Variants in PPP3CC observed in about 807,000 individuals in gnomAD.
The protein encoded by PPP3CC is serine/threonine-protein phosphatase 2B catalytic subunit gamma isoform.
A neutral mutation model predicts 60.3 loss-of-function variants in PPP3CC; 35 were observed. That is an observed-to-expected ratio of 0.58 (90% CI 0.44 to 0.77). The LOEUF (loss-of-function observed/expected upper bound fraction) is 0.77, where lower values mean the gene tolerates loss of function less well. Among genes scored for constraint, PPP3CC ranks in the 30% least tolerant of loss-of-function variants. The probability of loss-of-function intolerance (pLI) is 0.00; values close to 1 mark genes in which losing one functional copy is unlikely to be tolerated. For missense variants in PPP3CC, 570 were observed against 628.9 expected, an observed-to-expected ratio of 0.91 and a Z score of 1.00; for synonymous variants, 206 against 224.3, an observed-to-expected ratio of 0.92 and a Z score of 0.73.
intron 8 of PPP3CC, among the ~76,000 whole-genome samples, chr8:22,526,966 A>G (rs1367234296): frequency 6.6e-6 from 1 of 152,224 alleles, no homozygotes; most frequent in Non-Finnish European, 1.5e-5. Flanking sequence ...GAGTGTATAC[A>G]ATCTTTGACT....
At chr8:22,463,517 G>A (rs1244300336) in intron 1 of PPP3CC, among the ~76,000 whole-genome samples, 1 of 152,140 alleles carries the variant, frequency 6.6e-6, no homozygotes, top group Non-Finnish European at 1.5e-5. Flanking sequence ...GGCTTTAGTT[G>A]ATTTATTATA....
At chr8:22,446,268 C>T (rs1304795286) in intron 1 of PPP3CC, among the ~76,000 whole-genome samples, 1 of 141,100 alleles carries the variant, frequency 7.1e-6, no homozygotes, top group Non-Finnish European at 1.5e-5. Context: ...AGTTCACGTT[C>T]AGTCCACTGG....
chr8:22,504,807 C>T lies in PPP3CC; in HGVS notation c.485-6279C>T, dbSNP rs781267865. ...ATTGCTTACTACAGCCTCAACCTCC[C>T]AGGCTCAAGTGGTCCCTACACCTCA... On this transcript the variant is annotated intron_variant, in intron 4 of 13. Transcript: ENST00000240139. Among the ~76,000 whole-genome samples the T allele has an allele frequency of 1.3e-4, 20 of 151,420 alleles. 1 individual carries two copies. The South Asian group carries it at 2.1e-3, about 16-fold the overall frequency.
At chr8:22,464,978 T>C (rs1288074200) in intron 1 of PPP3CC, among the ~76,000 whole-genome samples, 1 of 142,402 alleles carries the variant, frequency 7.0e-6, no homozygotes, top group Non-Finnish European at 1.5e-5. Flanking sequence ...GACTCTCCCT[T>C]TTTTTTTTTT....
intron 3 of PPP3CC, among the ~76,000 whole-genome samples, chr8:22,482,840 G>A (rs1226801904): frequency 6.6e-6 from 1 of 152,184 alleles, no homozygotes; most frequent in African/African-American, 2.4e-5. Flanking sequence ...CCAAGATACA[G>A]TAGAGGAAAA....
At chr8:22,441,510 C>G in intron 1 of PPP3CC, 52 bp downstream of exon 1, 1 of 1,491,604 alleles carries the variant, frequency 6.7e-7, no homozygotes. Flanking sequence ...CGGCCTTCGG[C>G]TGGGCGGCGG....
intron 4 of PPP3CC, among the ~76,000 whole-genome samples, chr8:22,509,618 C>T (rs750854842): frequency 4.4e-4 from 67 of 152,220 alleles, no homozygotes; most frequent in Non-Finnish European, 7.8e-4. Flanking sequence ...TGTAGAGACT[C>T]CTCCTTCCAC....
intron 1 of PPP3CC, among the ~76,000 whole-genome samples, chr8:22,467,942 CA>C (rs1330514472): frequency 6.6e-6 from 1 of 152,190 alleles, no homozygotes; most frequent in Non-Finnish European, 1.5e-5. Context: ...TGTAATGGCA[CA>C]AATGCCATTC....
Position 22,492,944 on chromosome 8 carries a change from T to TCTGA in PPP3CC, c.373-5054_373-5051dup, listed in dbSNP as rs1838451852. The TCTGA allele has an allele frequency of 8.0e-6, 10 of 1,255,106 alleles. No homozygotes were observed. In the South Asian group the frequency reaches 1.2e-4, roughly 15 times the overall value. The allele number at this position is 1,255,106 out of a possible 1,614,324, so 77.7% of individuals were successfully genotyped here. On this transcript the variant is annotated intron_variant, in intron 3 of 13. Transcript: ENST00000240139. ...TCTTAAACCAGCTTGGTGCACACTG[T>TCTGA]CTGACTAGTTTAAGGAGACTGGCTG...
At chr8:22,506,826 C>T (rs1838936209) in intron 4 of PPP3CC, among the ~76,000 whole-genome samples, 1 of 152,000 alleles carries the variant, frequency 6.6e-6, no homozygotes, top group Admixed American at 6.6e-5. Flanking sequence ...CCTGTAGTCC[C>T]AGCTACTCGG....
chr8:22,507,943 A>G (rs888571633), intron 4 of PPP3CC, among the ~76,000 whole-genome samples: 2 of 152,188 alleles, frequency 1.3e-5, no homozygotes, highest in Non-Finnish European at 1.5e-5. Context: ...CCTTCAATAC[A>G]TTTAAATAAT....
At position 22,531,009 on chromosome 8, in the gene PPP3CC, A is replaced by G. The variant is rs186033109; in HGVS notation, c.1142-1216A>G. On this transcript the variant is annotated intron_variant, in intron 10 of 13. Coordinates refer to ENST00000240139, the MANE Select transcript of PPP3CC (RefSeq NM_005605.5). ...TATTCTGCAAATAATATCTTTGTTT[A>G]ATGTTATTTTCATGATCTGTGGGGT... Among the ~76,000 whole-genome samples, 430 of 152,204 alleles carry G rather than the reference A, an allele frequency of 2.8e-3. 4 individuals carry two copies. The highest frequency in any genetic ancestry group is 5.7e-4 in the Non-Finnish European group (39 of 67,988).
At chr8:22,485,661 C>T (rs920528077) in intron 3 of PPP3CC, among the ~76,000 whole-genome samples, 4 of 152,184 alleles carry the variant, frequency 2.6e-5, no homozygotes, top group African/African-American at 9.7e-5. Flanking sequence ...TAGACTCATA[C>T]TTGACCAAGT....
At chr8:22,539,430 T>C in intron 12 of PPP3CC, 39 bp from the exon 13 acceptor site, 1 of 1,611,916 alleles carries the variant, frequency 6.2e-7, no homozygotes, top group East Asian at 2.2e-5. Context: ...TCTTTTTCTG[T>C]CTTCGTTTTT....
At chr8:22,536,114 A>G (rs1413363602) in intron 12 of PPP3CC, among the ~76,000 whole-genome samples, 1 of 152,262 alleles carries the variant, frequency 6.6e-6, no homozygotes, top group East Asian at 1.9e-4. Flanking sequence ...TTTAGAAGGA[A>G]GTCTGAACAT....
At chr8:22,493,449 A>C (rs1838467406) in intron 3 of PPP3CC, among the ~76,000 whole-genome samples, 1 of 152,108 alleles carries the variant, frequency 6.6e-6, no homozygotes, top group African/African-American at 2.4e-5. Context: ...TACAAGTGGT[A>C]TTATGAGTGA....
At chr8:22,504,073 G>T (rs545463974) in intron 4 of PPP3CC, among the ~76,000 whole-genome samples, 16 of 151,992 alleles carry the variant, frequency 1.1e-4, no homozygotes, top group Non-Finnish European at 2.1e-4. Context: ...GGCTTTTCTT[G>T]TATCAATCTT....
Position 22,477,887 on chromosome 8 carries a change from G to A in PPP3CC, c.372+2263G>A, listed in dbSNP as rs548627756. ...TTTTTTGAGACAGAGTTTCGCTTTT[G>A]TTGCCCAGGCTAGAGTGCAATGGCA... On this transcript the variant is annotated intron_variant, in intron 3 of 13. Coordinates refer to ENST00000240139, the MANE Select transcript of PPP3CC (RefSeq NM_005605.5). 1.8e-4 allele frequency among the ~76,000 whole-genome samples: 28 copies of A among 151,516 alleles called. No individual in the cohort carries two copies. The South Asian group carries it at 4.8e-3, about 26-fold the overall frequency.
At chr8:22,492,900 A>G in intron 3 of PPP3CC, 1 of 1,181,014 alleles carries the variant, frequency 8.5e-7, no homozygotes, top group Non-Finnish European at 1.3e-6. Context: ...AAAGCAGCTG[A>G]TGGAAATGCT....
Sources: allele counts gnomAD v4.1 joint callset (sites outside exome capture counted in the v4.1 genomes callset), GRCh38; gene constraint gnomAD v4.1.1; transcripts MANE v1.5; gene names NCBI Gene and HGNC (gene_info 2026-07-23, HGNC 2026-07-21).